GABRR1: variants seen among roughly 807,000 people sequenced by gnomAD.
The protein encoded by GABRR1 is gamma-aminobutyric acid receptor subunit rho-1.
In GABRR1, 59 loss-of-function variants were observed where a neutral mutation model predicts 55.5. That is an observed-to-expected ratio of 1.06 (90% CI 0.86 to 1.32). The LOEUF (loss-of-function observed/expected upper bound fraction) is 1.32, where lower values mean the gene tolerates loss of function less well. GABRR1 is among the 40% of genes most tolerant of loss of function. The pLI is 0.00. For missense variants in GABRR1, 602 were observed against 619.1 expected, an observed-to-expected ratio of 0.97 and a Z score of 0.29; for synonymous variants, 213 against 226.0, an observed-to-expected ratio of 0.94 and a Z score of 0.51.
rs1403955798 is a variant in GABRR1, at chr6:89,199,369, A to G, written c.341T>C (p.Val114Ala). The G allele has an allele frequency of 2.5e-6, 4 of 1,613,674 alleles. No individual in the cohort carries two copies. The highest frequency in any genetic ancestry group is 1.3e-5 in the African/African-American group (1 of 74,898). Reference protein sequence around the residue: ...QVESLDSISEVDMDFTMTLYL... With the variant: ...QVESLDSISEADMDFTMTLYL... ...GGTCAGAGAAGCACTTACCATGTCA[A>G]CCTCTGAGATGCTATCCAAACTCTC... Residue 114 changes from valine (V) to alanine (A), a missense_variant, in exon 4 of 10, where the codon GTT becomes GCT. Physicochemically the swap from Val to Ala is moderately conservative, Grantham distance 64. This residue lies in a region of GABRR1 where 435 missense variants were observed against 424.2 expected (regional missense o/e 1.03). Transcript: ENST00000454853.
intron 1 of GABRR1, among the ~76,000 whole-genome samples, chr6:89,222,520 T>C (rs181940598): frequency 6.6e-6 from 1 of 152,342 alleles, no homozygotes; most frequent in Non-Finnish European, 1.5e-5. Flanking sequence ...CTGTGGTATT[T>C]ATAGTGTGCT....
At chr6:89,228,048 G>C (rs1180893724) in intron 1 of GABRR1, among the ~76,000 whole-genome samples, 1 of 78,154 alleles carries the variant, frequency 1.3e-5, no homozygotes, top group Non-Finnish European at 2.6e-5. Context: ...TAGTTTATTT[G>C]TGTAGAGGTG....
chr6:89,214,390 T>C (rs1460065447), intron 1 of GABRR1, among the ~76,000 whole-genome samples: 4 of 151,032 alleles, frequency 2.6e-5, no homozygotes, highest in African/African-American at 9.8e-5. Context: ...CAAAAGCAAA[T>C]AGACAAATGA....
chr6:89,230,336 G>A (rs879697935), intron 1 of GABRR1, among the ~76,000 whole-genome samples: 2,320 of 142,226 alleles, frequency 0.016, 33 homozygotes, highest in Middle Eastern at 0.031. Context: ...GAGGAGAGGC[G>A]CTCTGCGTTT....
At position 89,184,416 on chromosome 6, in the gene GABRR1, C is replaced by A. The variant is rs900465773; in HGVS notation, c.796+894G>T. ...AGGAGAAAGGTCACAGAGCATGCCC[C>A]CGCAGGCAACAGGAGGGGGTGAGCC... On this transcript the variant is annotated intron_variant, in intron 7 of 9. Coordinates refer to ENST00000454853, the MANE Select transcript of GABRR1 (RefSeq NM_002042.5). 4.6e-5 allele frequency among the ~76,000 whole-genome samples: 7 copies of A among 151,664 alleles called. No homozygotes were observed. In the South Asian group the frequency reaches 1.5e-3, roughly 31 times the overall value.
chr6:89,215,102 A>T (rs990743084), intron 1 of GABRR1, among the ~76,000 whole-genome samples: 39 of 152,360 alleles, frequency 2.6e-4, no homozygotes, highest in African/African-American at 8.7e-4. Flanking sequence ...GGGAATGTAA[A>T]TTGGCACAGC....
chr6:89,180,946 G>A (rs1343324194), intron 8 of GABRR1, among the ~76,000 whole-genome samples: 2 of 152,062 alleles, frequency 1.3e-5, no homozygotes, highest in African/African-American at 2.4e-5. Flanking sequence ...GGCCTGCGTC[G>A]ACAGCTGTCA....
At position 89,178,893 on chromosome 6, in the gene GABRR1, T is replaced by C; in HGVS notation, c.1317A>G (p.Lys439=). The change falls in exon 10 of 10, where the codon AAA becomes AAG. Residue 439 remains lysine, a synonymous_variant. Coordinates refer to ENST00000454853, the MANE Select transcript of GABRR1 (RefSeq NM_002042.5). Reference sequence around the variant, plus strand: ...TGCTCACATAGCTGCTTCTCTGACTTTTCCTCTGTGGGGAGCTCCTCTCTG... The same window carrying C: ...TGCTCACATAGCTGCTTCTCTGACTCTTCCTCTGTGGGGAGCTCCTCTCTG... The part of the protein sequence containing the change: ...LASERSSPQR[K]SQRSSYVSMR... 1 of 1,614,144 alleles carries C rather than the reference T, an allele frequency of 6.2e-7. No individual in the cohort carries two copies.
intron 4 of GABRR1, among the ~76,000 whole-genome samples, chr6:89,199,067 C>T (rs954158695): frequency 6.6e-6 from 1 of 152,162 alleles, no homozygotes; most frequent in Non-Finnish European, 1.5e-5. Context: ...GACTACTTAG[C>T]AGCTGCAAAC....
chr6:89,215,266 T>A (rs1241705169), intron 1 of GABRR1, among the ~76,000 whole-genome samples: 1 of 152,236 alleles, frequency 6.6e-6, no homozygotes, highest in African/African-American at 2.4e-5. Context: ...GCATTATTCA[T>A]AACAGTCAAG....
upstream of GABRR1, among the ~76,000 whole-genome samples, chr6:89,220,051 C>T (rs1773091119): frequency 6.6e-6 from 1 of 152,096 alleles, no homozygotes. Context: ...GATTTAAAGA[C>T]CAAATTGTCT....
At chr6:89,194,443 A>G (rs569657758) in intron 5 of GABRR1, among the ~76,000 whole-genome samples, 1 of 152,272 alleles carries the variant, frequency 6.6e-6, no homozygotes, top group South Asian at 2.1e-4. Context: ...CTAGACAGAG[A>G]AAACTGGAAT....
chr6:89,217,748 G>T, upstream of GABRR1: 1 of 161,236 alleles, frequency 6.2e-6, no homozygotes. Flanking sequence ...GCTCCTCCCT[G>T]GATCTATTTT....
At chr6:89,189,201 T>C (rs541692681) in intron 6 of GABRR1, among the ~76,000 whole-genome samples, 2 of 152,082 alleles carry the variant, frequency 1.3e-5, no homozygotes, top group Middle Eastern at 3.2e-3. Context: ...TCAGTTATGT[T>C]TATTGCACAC....
At chr6:89,197,608 C>T (rs1287885242) in intron 5 of GABRR1, among the ~76,000 whole-genome samples, 4 of 152,132 alleles carry the variant, frequency 2.6e-5, no homozygotes, top group Non-Finnish European at 2.9e-5. Flanking sequence ...TAGGACACTA[C>T]GGAGAGAAAG....
chr6:89,192,233 TC>T (rs1316352411), intron 5 of GABRR1, among the ~76,000 whole-genome samples: 3 of 152,018 alleles, frequency 2.0e-5, no homozygotes, highest in Non-Finnish European at 4.4e-5. Context: ...GCTTCCTCAC[TC>T]CCACGACTGG....
intron 1 of GABRR1, among the ~76,000 whole-genome samples, chr6:89,207,565 G>C (rs573410881): frequency 6.6e-6 from 1 of 152,256 alleles, no homozygotes; most frequent in South Asian, 2.1e-4. Context: ...ATTTTACTTT[G>C]CTATTCTTCA....
At chr6:89,225,590 G>A (rs1315746748) in intron 1 of GABRR1, among the ~76,000 whole-genome samples, 14 of 132,220 alleles carry the variant, frequency 1.1e-4, no homozygotes, top group Admixed American at 1.0e-3. Flanking sequence ...CAAAGGGCAT[G>A]AACTCATCAT....
At chr6:89,209,653 T>C (rs1422527957) in intron 1 of GABRR1, among the ~76,000 whole-genome samples, 1 of 152,040 alleles carries the variant, frequency 6.6e-6, no homozygotes, top group Non-Finnish European at 1.5e-5. Flanking sequence ...GTCTTCTCAA[T>C]GCTATCACCG....
Sources: allele counts gnomAD v4.1 joint callset (sites outside exome capture counted in the v4.1 genomes callset), GRCh38; gene constraint gnomAD v4.1.1; regional missense constraint gnomAD v4.1.1; transcripts MANE v1.5; gene names NCBI Gene and HGNC (gene_info 2026-07-23, HGNC 2026-07-21).